The following RNF150 variants were observed in gnomAD, a reference collection of about 807,000 sequenced individuals.
RNF150 encodes the protein ring finger protein 150.
In RNF150, 24 loss-of-function variants were observed where a neutral mutation model predicts 39.3. That is an observed-to-expected ratio of 0.61 (90% CI 0.44 to 0.86). The LOEUF (loss-of-function observed/expected upper bound fraction) is 0.86, where lower values mean the gene tolerates loss of function less well. Among genes scored for constraint, RNF150 ranks in the 40% least tolerant of loss-of-function variants. RNF150 has a pLI of 0.00. For synonymous variants in RNF150, 255 were observed against 227.3 expected (o/e 1.12, Z -1.10); for missense variants, 502 against 587.8 (o/e 0.85, Z 1.51).
At chr4:141,179,846 G>C (rs1727875680) in intron 1 of RNF150, among the ~76,000 whole-genome samples, 2 of 152,088 alleles carry the variant, frequency 1.3e-5, no homozygotes, top group African/African-American at 4.8e-5. Context: ...CACATATTGG[G>C]CTCAACTGGT....
rs1288497276 is a variant in RNF150, at chr4:141,000,052, A to C, written c.485-32179T>G. 4.8e-5 allele frequency among the ~76,000 whole-genome samples: 5 copies of C among 103,448 alleles called. No individual in the cohort carries two copies. In the Admixed American group the frequency reaches 5.1e-4, roughly 10 times the overall value. 67.9% of individuals were successfully genotyped at this position (103,448 alleles called of 152,430 possible). On this transcript the variant is annotated intron_variant, in intron 1 of 6. Transcript: ENST00000515673. ...AAGAAGAAGAAGAAGAAGAAGAAGA[A>C]GAAGAAGAAGAAGAAGAAGAAGAAG...
intron 1 of RNF150, among the ~76,000 whole-genome samples, chr4:141,120,003 A>G (rs1330430706): frequency 2.0e-5 from 3 of 152,264 alleles, no homozygotes; most frequent in African/African-American, 7.2e-5. Context: ...TTAAGTGAGC[A>G]GTACATCTGA....
Position 141,023,736 on chromosome 4 carries a change from T to A in RNF150, c.485-55863A>T, listed in dbSNP as rs77552294. Among the ~76,000 whole-genome samples the A allele has an allele frequency of 3.7e-3, 570 of 152,274 alleles. 6 individuals are homozygous for A. Among genetic ancestry groups the A allele is most frequent in the African/African-American group, 0.013 (545 of 41,558 alleles). On this transcript the variant is annotated intron_variant, in intron 1 of 6. Transcript: ENST00000515673. ...CAAGTGCTCAACTGCTAGATACAGC[T>A]AGTGGCTACCACGTTGGACAGCATG...
chr4:140,998,970 T>C (rs1734480516), intron 1 of RNF150, among the ~76,000 whole-genome samples: 4 of 152,202 alleles, frequency 2.6e-5, no homozygotes, highest in Admixed American at 2.6e-4. Flanking sequence ...TGAGACTAAA[T>C]CTACTTTAGA....
intron 1 of RNF150, among the ~76,000 whole-genome samples, chr4:141,057,358 G>C (rs1488119606): frequency 1.3e-5 from 2 of 151,256 alleles, no homozygotes; most frequent in Non-Finnish European, 2.9e-5. Flanking sequence ...AAATTTTTTA[G>C]GTATGATTTA....
chr4:141,080,372 T>C (rs1358989716), intron 1 of RNF150, among the ~76,000 whole-genome samples: 2 of 152,230 alleles, frequency 1.3e-5, no homozygotes, highest in African/African-American at 4.8e-5. Context: ...TCATCCAATT[T>C]GCAATCACCT....
chr4:141,157,627 G>A lies in RNF150; in HGVS notation c.-6+55167C>T, dbSNP rs199529207. Reference sequence around the variant, plus strand: ...CTCTATTTCTCCTTTTCTTGGGCCTGATCTCCTCTGTTGCTCATTCTTAGA... The same window carrying A: ...CTCTATTTCTCCTTTTCTTGGGCCTAATCTCCTCTGTTGCTCATTCTTAGA... On this transcript the variant is annotated intron_variant, in intron 1 of 7. Transcript: ENST00000420921. 2.0e-5 allele frequency among the ~76,000 whole-genome samples: 3 copies of A among 151,898 alleles called. No homozygotes were observed. In the South Asian group the frequency reaches 6.3e-4, roughly 32 times the overall value.
chr4:141,129,941 A>G lies in RNF150; in HGVS notation c.484+2384T>C, dbSNP rs867483549. Among the ~76,000 whole-genome samples the G allele has an allele frequency of 3.3e-5, 5 of 152,244 alleles. No homozygotes were observed. The South Asian group carries it at 8.3e-4, about 25-fold the overall frequency. ...TCTAAGGAAAGGTGATAGATATATC[A>G]TCAGCTTTTGCAGTTTTTAAAACTT... On this transcript the variant is annotated intron_variant, in intron 1 of 6. Transcript: ENST00000515673.
intron 1 of RNF150, among the ~76,000 whole-genome samples, chr4:141,046,828 G>T (rs2110876865): frequency 6.6e-6 from 1 of 152,246 alleles, no homozygotes; most frequent in East Asian, 1.9e-4. Flanking sequence ...TTTAGAAACA[G>T]ATATAAGGAT....
At chr4:141,171,457 AGAAAG>A (rs1727720472) in intron 1 of RNF150, among the ~76,000 whole-genome samples, 2 of 60,766 alleles carry the variant, frequency 3.3e-5, no homozygotes, top group African/African-American at 7.6e-5. Context: ...AGAGACAGAC[AGAAAG>A]AGAGAGAGAG....
At chr4:141,094,006 T>TC (rs1738686478) in intron 1 of RNF150, among the ~76,000 whole-genome samples, 1 of 151,990 alleles carries the variant, frequency 6.6e-6, no homozygotes, top group Non-Finnish European at 1.5e-5. Context: ...TAATTGAAAG[T>TC]CCATGGACAG....
chr4:140,986,384 G>GT (rs1000042494), intron 1 of RNF150, among the ~76,000 whole-genome samples: 28 of 151,962 alleles, frequency 1.8e-4, no homozygotes, highest in Non-Finnish European at 3.7e-4. Flanking sequence ...TTTAGAAATG[G>GT]TTTTGTTCTT....
intron 1 of RNF150, among the ~76,000 whole-genome samples, chr4:141,007,910 A>G (rs1287212437): frequency 6.6e-6 from 1 of 152,216 alleles, no homozygotes; most frequent in Non-Finnish European, 1.5e-5. Flanking sequence ...GAGTGTAAGT[A>G]CATTTCCATT....
At chr4:141,011,422 T>G (rs933370179) in intron 1 of RNF150, among the ~76,000 whole-genome samples, 4 of 152,204 alleles carry the variant, frequency 2.6e-5, no homozygotes, top group African/African-American at 9.6e-5. Context: ...AGTTCTAACT[T>G]TACCTTAGAA....
intron 1 of RNF150, among the ~76,000 whole-genome samples, chr4:141,089,981 T>C (rs1738518590): frequency 6.6e-6 from 1 of 152,166 alleles, no homozygotes; most frequent in South Asian, 2.1e-4. Context: ...TCACGCAATA[T>C]CTTTCTTCAA....
At chr4:141,184,588 C>T (rs1032066858) in intron 1 of RNF150, among the ~76,000 whole-genome samples, 1 of 152,094 alleles carries the variant, frequency 6.6e-6, no homozygotes, top group Non-Finnish European at 1.5e-5. Context: ...ATGCCTATGT[C>T]CTGAATGGTA....
At chr4:140,895,572 C>T (rs1273046837) in intron 6 of RNF150, among the ~76,000 whole-genome samples, 4 of 152,148 alleles carry the variant, frequency 2.6e-5, no homozygotes, top group African/African-American at 9.7e-5. Flanking sequence ...ATTATCAGCT[C>T]CCAGAACACA....
chr4:140,949,682 C>G (rs990160314), intron 2 of RNF150, among the ~76,000 whole-genome samples: 16 of 106,378 alleles, frequency 1.5e-4, no homozygotes, highest in African/African-American at 4.9e-4. Context: ...CTACCCCCCC[C>G]CAAAAAAAAA....
At chr4:140,883,876 C>G (rs1729467274) in intron 6 of RNF150, among the ~76,000 whole-genome samples, 1 of 151,998 alleles carries the variant, frequency 6.6e-6, no homozygotes, top group Non-Finnish European at 1.5e-5. Context: ...GCTCTTTGAC[C>G]CTTTCTCTCT....
Sources: gnomAD v4.1 joint callset for allele counts (sites outside exome capture counted in the v4.1 genomes callset) on GRCh38, gnomAD v4.1.1 for gene constraint, MANE v1.5 for transcripts, NCBI Gene and HGNC (gene_info 2026-07-23, HGNC 2026-07-21) for gene names.